Variants in LARGE1 observed in about 807,000 individuals in gnomAD.
LARGE1 encodes the protein LARGE xylosyl- and glucuronyltransferase 1.
A neutral mutation model predicts 87.6 loss-of-function variants in LARGE1; 43 were observed. The observed-to-expected ratio is 0.49, with a 90% CI of 0.38 to 0.63. The LOEUF is 0.63. Among genes scored for constraint, LARGE1 ranks in the 30% least tolerant of loss-of-function variants. LARGE1 has a pLI of 0.00. For synonymous variants in LARGE1, 434 were observed against 394.6 expected (o/e 1.10, Z -1.18); for missense variants, 802 against 1,000.2 (o/e 0.80, Z 2.67).
At chr22:33,676,163 T>C (rs935223809) in intron 2 of LARGE1, among the ~76,000 whole-genome samples, 31 of 151,924 alleles carry the variant, frequency 2.0e-4, no homozygotes, top group African/African-American at 7.5e-4. Flanking sequence ...GATTCACTGC[T>C]CACTATACCG....
chr22:33,536,604 T>C (rs1019095760), intron 6 of LARGE1, among the ~76,000 whole-genome samples: 18 of 152,218 alleles, frequency 1.2e-4, no homozygotes, highest in African/African-American at 4.1e-4. Flanking sequence ...TTATCTACTT[T>C]CATGAATAAA....
chr22:33,843,138 C>T (rs779214563), intron 1 of LARGE1, among the ~76,000 whole-genome samples: 2 of 152,152 alleles, frequency 1.3e-5, no homozygotes, highest in Non-Finnish European at 2.9e-5. Flanking sequence ...CTTGATTTTC[C>T]GTTCTATCTT....
intron 5 of LARGE1, among the ~76,000 whole-genome samples, chr22:33,602,794 T>A (rs1342845574): frequency 1.3e-5 from 2 of 152,196 alleles, no homozygotes; most frequent in African/African-American, 2.4e-5. Flanking sequence ...ATTACAGGCA[T>A]GAGCCACTAC....
chr22:33,762,857 CTA>C (rs1354069709), intron 1 of LARGE1, among the ~76,000 whole-genome samples: 3 of 152,214 alleles, frequency 2.0e-5, no homozygotes, highest in Non-Finnish European at 4.4e-5. Flanking sequence ...GTCACGCTGA[CTA>C]TAGGTGGAAA....
At chr22:33,718,864 C>A (rs2082991303) in intron 2 of LARGE1, among the ~76,000 whole-genome samples, 1 of 152,210 alleles carries the variant, frequency 6.6e-6, no homozygotes, top group Admixed American at 6.5e-5. Context: ...GATCTTGGCT[C>A]ACGGCAACCT....
intron 5 of LARGE1, among the ~76,000 whole-genome samples, chr22:33,581,090 T>C (rs1439637377): frequency 6.6e-6 from 1 of 152,228 alleles, no homozygotes; most frequent in African/African-American, 2.4e-5. Flanking sequence ...ATGCTTGAAA[T>C]AAGTTTGTGA....
chr22:33,850,698 C>T (rs968563352), intron 1 of LARGE1, among the ~76,000 whole-genome samples: 3 of 152,118 alleles, frequency 2.0e-5, no homozygotes, highest in Admixed American at 2.0e-4. Context: ...AACACATTTT[C>T]CCATTTAAAT....
chr22:33,915,730 A>T lies in LARGE1; in HGVS notation c.-83+4265T>A, dbSNP rs569435391. Among the ~76,000 whole-genome samples the T allele has an allele frequency of 2.4e-3, 365 of 152,370 alleles. 1 individual carries two copies. The highest frequency in any genetic ancestry group is 4.1e-3 in the Non-Finnish European group (278 of 68,036). Reference sequence around the variant, plus strand: ...CATTCTTGCCACTATTTGAATACACAGAGCAAGAAGCGGGGGCACAGTCCT... The same window carrying T: ...CATTCTTGCCACTATTTGAATACACTGAGCAAGAAGCGGGGGCACAGTCCT... On this transcript the variant is annotated intron_variant, in intron 1 of 14. Transcript: ENST00000397394.
At chr22:33,619,038 T>C (rs2079661776) in intron 4 of LARGE1, among the ~76,000 whole-genome samples, 1 of 152,120 alleles carries the variant, frequency 6.6e-6, no homozygotes, top group South Asian at 2.1e-4. Context: ...TGCCTTTGAG[T>C]AGGGGGACCA....
intron 1 of LARGE1, among the ~76,000 whole-genome samples, chr22:33,824,204 C>T (rs1214603247): frequency 6.6e-6 from 1 of 152,162 alleles, no homozygotes; most frequent in Non-Finnish European, 1.5e-5. Flanking sequence ...TTAGTCCAGT[C>T]TCACACTGCT....
chr22:33,453,053 T>C (rs182210823), intron 6 of LARGE1, among the ~76,000 whole-genome samples: 2 of 152,324 alleles, frequency 1.3e-5, no homozygotes, highest in East Asian at 3.9e-4. Flanking sequence ...GGAAACTGAA[T>C]AGACAGAGAC....
At chr22:33,286,458 G>A (rs1931558333) in intron 12 of LARGE1, among the ~76,000 whole-genome samples, 1 of 152,150 alleles carries the variant, frequency 6.6e-6, no homozygotes, top group Non-Finnish European at 1.5e-5. Context: ...AGTATTGGTG[G>A]GTGGTTGCTA....
chr22:33,377,376 A>G (rs2065023142), intron 9 of LARGE1, among the ~76,000 whole-genome samples: 1 of 152,210 alleles, frequency 6.6e-6, no homozygotes, highest in South Asian at 2.1e-4. Flanking sequence ...AAAGATAATT[A>G]TCTCCAAACA....
At chr22:33,218,839 C>T (rs1475861327) in intron 11 of LARGE1, among the ~76,000 whole-genome samples, 4 of 152,144 alleles carry the variant, frequency 2.6e-5, no homozygotes, top group African/African-American at 9.7e-5. Context: ...AGAGTGGTTG[C>T]ATGGAAGCGG....
At position 33,304,510 on chromosome 22, in the gene LARGE1, G is replaced by GGAAGA; in HGVS notation, c.1452-8_1452-4dup. 6.3e-7 allele frequency: 1 copy of GGAAGA among 1,584,170 alleles called. No individual in the cohort carries two copies. The highest frequency in any genetic ancestry group is 2.1e-4 in the Middle Eastern group (1 of 4,846). On this transcript the variant is annotated splice_region_variant and splice_polypyrimidine_tract_variant and intron_variant, in intron 11 of 14. Coordinates refer to ENST00000397394, the MANE Select transcript of LARGE1 (RefSeq NM_133642.5). ...AGATGGCCTCCAGCATCTGGAGCCT[G>GGAAGA]GAAGAGACAGGGAGGGTGAGCCGCG... is the stretch of plus-strand genomic sequence containing the variant.
In LARGE1 at chr22:33,229,985, T is replaced by G. The variant is rs531692353; in HGVS notation, c.1731-63153A>C. On this transcript the variant is annotated intron_variant, in intron 11 of 11. Transcript: ENST00000608642. The stretch of plus-strand genomic sequence containing the variant: ...ATTCAGAGAACTATGGAGTGACATT[T>G]TCAAACATTTTCAAAGTTCTTTTTT... 6.2e-4 allele frequency among the ~76,000 whole-genome samples: 93 copies of G among 150,860 alleles called. 1 individual carries two copies. Among genetic ancestry groups the G allele is most frequent in the African/African-American group, 2.2e-3 (91 of 41,300 alleles).
intron 1 of LARGE1, among the ~76,000 whole-genome samples, chr22:33,766,425 ATC>A (rs1601564983): frequency 6.6e-6 from 1 of 152,162 alleles, no homozygotes; most frequent in Middle Eastern, 3.4e-3. Flanking sequence ...AATCACCATG[ATC>A]TGTTTGTTTT....
At chr22:33,538,706 G>C (rs1165093821) in intron 6 of LARGE1, among the ~76,000 whole-genome samples, 2 of 152,056 alleles carry the variant, frequency 1.3e-5, no homozygotes, top group African/African-American at 4.8e-5. Context: ...TGCTTGGCAC[G>C]GCCACACAAA....
chr22:33,834,647 G>A (rs541439409), intron 1 of LARGE1, among the ~76,000 whole-genome samples: 21 of 152,350 alleles, frequency 1.4e-4, no homozygotes, highest in African/African-American at 5.0e-4. Flanking sequence ...CTCACGCAAA[G>A]CCTGTTTGGT....
Sources: allele counts gnomAD v4.1 joint callset (sites outside exome capture counted in the v4.1 genomes callset), GRCh38; gene constraint gnomAD v4.1.1; transcripts MANE v1.5; gene names NCBI Gene and HGNC (gene_info 2026-07-23, HGNC 2026-07-21).